SLMAP: variants seen among roughly 807,000 people sequenced by gnomAD.
SLMAP encodes sarcolemmal membrane-associated protein.
SLMAP carries 44 observed loss-of-function variants against 128.8 expected under a neutral mutation model. That is an observed-to-expected ratio of 0.34 (90% CI 0.27 to 0.44). The LOEUF (loss-of-function observed/expected upper bound fraction) is 0.44. Among genes scored for constraint, SLMAP ranks in the 20% least tolerant of loss-of-function variants. SLMAP has a pLI of 1.00. For synonymous variants in SLMAP, 327 were observed against 348.8 expected, an observed-to-expected ratio of 0.94 and a Z score of 0.70; for missense variants, 787 against 985.3, an observed-to-expected ratio of 0.80 and a Z score of 2.69.
At chr3:57,820,703 T>C (rs924999086) in intron 2 of SLMAP, among the ~76,000 whole-genome samples, 3 of 152,190 alleles carry the variant, frequency 2.0e-5, no homozygotes, top group Non-Finnish European at 4.4e-5. Flanking sequence ...TCCAGGGAGA[T>C]AGGTAAGCAA....
intron 17 of SLMAP, 21 bp downstream of exon 17, chr3:57,896,953 G>A: frequency 6.2e-7 from 1 of 1,613,066 alleles, no homozygotes; most frequent in South Asian, 1.1e-5. Flanking sequence ...ATGTTTTTAT[G>A]ACATCGTAAA....
intron 4 of SLMAP, among the ~76,000 whole-genome samples, chr3:57,841,630 G>A (rs1276485196): frequency 6.6e-6 from 1 of 152,054 alleles, no homozygotes; most frequent in Admixed American, 6.5e-5. Context: ...TATTTTGATG[G>A]ATAATTAGTT....
intron 14 of SLMAP, among the ~76,000 whole-genome samples, chr3:57,886,030 C>T (rs1340374030): frequency 1.3e-5 from 2 of 151,318 alleles, no homozygotes; most frequent in African/African-American, 4.9e-5. Context: ...GATCCACCCA[C>T]CTTGGCCTCC....
chr3:57,827,082 G>C (rs1409701292), intron 2 of SLMAP, among the ~76,000 whole-genome samples: 1 of 152,138 alleles, frequency 6.6e-6, no homozygotes. Flanking sequence ...TATCTACCTC[G>C]AATCTATTCT....
chr3:57,909,006 C>T (rs1277332286), intron 18 of SLMAP, 70 bp from the exon 19 acceptor site: 2 of 1,075,090 alleles, frequency 1.9e-6, no homozygotes, highest in Non-Finnish European at 2.8e-6. Flanking sequence ...AAGAAATTTT[C>T]AGCTGCTCAA....
At chr3:57,921,348 G>A (rs990352289) in intron 22 of SLMAP, among the ~76,000 whole-genome samples, 2 of 151,962 alleles carry the variant, frequency 1.3e-5, no homozygotes, top group African/African-American at 4.8e-5. Flanking sequence ...AGAAACAGGC[G>A]GGGCACGGTG....
At chr3:57,796,946 G>A (rs1339178193) in intron 2 of SLMAP, among the ~76,000 whole-genome samples, 1 of 152,064 alleles carries the variant, frequency 6.6e-6, no homozygotes, top group African/African-American at 2.4e-5. Context: ...TTGGGAGACC[G>A]AGGTGAGAGA....
chr3:57,858,990 C>T (rs2094920521), intron 8 of SLMAP, among the ~76,000 whole-genome samples: 1 of 152,078 alleles, frequency 6.6e-6, no homozygotes, highest in African/African-American at 2.4e-5. Flanking sequence ...TGATGTAATT[C>T]TGTTATTCCT....
At chr3:57,786,916 T>A (rs181461083) in intron 2 of SLMAP, among the ~76,000 whole-genome samples, 2,760 of 151,870 alleles carry the variant, frequency 0.018, 71 homozygotes, top group African/African-American at 0.063. Flanking sequence ...TGTATTTTTT[T>A]AAGTAGAGAT....
chr3:57,842,316 A>T (rs1015870567), intron 4 of SLMAP, among the ~76,000 whole-genome samples: 1 of 152,158 alleles, frequency 6.6e-6, no homozygotes, highest in Non-Finnish European at 1.5e-5. Context: ...AAAATAGCAT[A>T]GGTTTTAAAA....
intron 2 of SLMAP, among the ~76,000 whole-genome samples, chr3:57,811,185 C>T (rs1402732194): frequency 1.3e-5 from 2 of 152,114 alleles, no homozygotes; most frequent in African/African-American, 4.8e-5. Context: ...CATTCATCTC[C>T]ATAACTCTTT....
At chr3:57,873,863 A>G (rs1414965252) in intron 14 of SLMAP, among the ~76,000 whole-genome samples, 3 of 152,088 alleles carry the variant, frequency 2.0e-5, no homozygotes, top group Non-Finnish European at 2.9e-5. Context: ...GCTTATGCCT[A>G]TAATCCCAGT....
intron 2 of SLMAP, among the ~76,000 whole-genome samples, chr3:57,787,965 A>G (rs2084605815): frequency 1.3e-5 from 2 of 152,238 alleles, no homozygotes; most frequent in African/African-American, 2.4e-5. Flanking sequence ...GTGTTTAGGA[A>G]GGAATGACCA....
At chr3:57,799,900 G>C (rs1361825351) in intron 2 of SLMAP, among the ~76,000 whole-genome samples, 3 of 152,104 alleles carry the variant, frequency 2.0e-5, no homozygotes, top group Admixed American at 2.0e-4. Flanking sequence ...TAAATTTACA[G>C]TATCCCCTTA....
intron 2 of SLMAP, among the ~76,000 whole-genome samples, chr3:57,805,899 T>G (rs569032146): frequency 6.6e-6 from 1 of 152,224 alleles, no homozygotes; most frequent in Admixed American, 6.5e-5. Context: ...CTACTTCCCC[T>G]GACTCACTCT....
At chr3:57,924,980 G>C (rs1473488917) in intron 23 of SLMAP, among the ~76,000 whole-genome samples, 1 of 149,428 alleles carries the variant, frequency 6.7e-6, no homozygotes, top group African/African-American at 2.5e-5. Flanking sequence ...TTGGTGACAG[G>C]GTCTTGCTCT....
intron 3 of SLMAP, among the ~76,000 whole-genome samples, chr3:57,832,528 T>C (rs2093401765): frequency 6.6e-6 from 1 of 152,212 alleles, no homozygotes; most frequent in Non-Finnish European, 1.5e-5. Flanking sequence ...ACTAAATGGA[T>C]AAAAACCATA....
intron 2 of SLMAP, among the ~76,000 whole-genome samples, chr3:57,786,948 G>T (rs1203737004): frequency 6.6e-6 from 1 of 152,084 alleles, no homozygotes; most frequent in Non-Finnish European, 1.5e-5. Context: ...ATGTTAGCCA[G>T]GATGATCTCG....
intron 2 of SLMAP, among the ~76,000 whole-genome samples, chr3:57,773,482 C>A (rs997840778): frequency 1.3e-5 from 2 of 152,174 alleles, no homozygotes; most frequent in Non-Finnish European, 2.9e-5. Flanking sequence ...CTATCCATGA[C>A]TATGTTAAGT....
Sources: gnomAD v4.1 joint callset for allele counts (sites outside exome capture counted in the v4.1 genomes callset) on GRCh38, gnomAD v4.1.1 for gene constraint, MANE v1.5 for transcripts, NCBI Gene and HGNC (gene_info 2026-07-23, HGNC 2026-07-21) for gene names.